Variants in STARD9 observed in about 807,000 individuals in gnomAD.
The protein encoded by STARD9 is stAR-related lipid transfer protein 9.
In STARD9, 346 loss-of-function variants were observed where a neutral mutation model predicts 399.8. The ratio of observed to expected loss-of-function variants is 0.87; its 90% CI spans 0.79 to 0.95. The LOEUF is 0.95. Ranked by LOEUF, STARD9 falls within the 40% of genes least tolerant of loss-of-function variation. STARD9 has a pLI of 0.00. For synonymous variants in STARD9, 2,203 were observed against 2,143.5 expected, an observed-to-expected ratio of 1.03 and a Z score of -0.77; for missense variants, 5,832 against 5,667.5, an observed-to-expected ratio of 1.03 and a Z score of -0.93.
At chr15:42,591,309 G>A (rs1225781313) in intron 3 of STARD9, among the ~76,000 whole-genome samples, 3 of 152,136 alleles carry the variant, frequency 2.0e-5, no homozygotes, top group Admixed American at 6.5e-5. Flanking sequence ...CCAACGTGGC[G>A]AAACCCTGTC....
intron 22 of STARD9, 118 bp downstream of exon 22, chr15:42,682,693 G>A: frequency 2.5e-6 from 2 of 790,002 alleles, no homozygotes; most frequent in South Asian, 1.9e-5. Context: ...GGAAGAATGT[G>A]TATATTTCTC....
intron 3 of STARD9, among the ~76,000 whole-genome samples, chr15:42,615,423 C>T (rs1057162455): frequency 2.0e-5 from 3 of 152,050 alleles, no homozygotes; most frequent in African/African-American, 2.4e-5. Context: ...AAATACATTG[C>T]ATCTTCCTTG....
At chr15:42,647,579 T>C (rs2059669653) in intron 7 of STARD9, among the ~76,000 whole-genome samples, 1 of 152,178 alleles carries the variant, frequency 6.6e-6, no homozygotes, top group African/African-American at 2.4e-5. Context: ...TTGTTTGTAT[T>C]TTTATCTTCT....
chr15:42,624,697 C>T (rs991062811), intron 3 of STARD9, among the ~76,000 whole-genome samples: 2 of 151,124 alleles, frequency 1.3e-5, no homozygotes, highest in African/African-American at 4.9e-5. Flanking sequence ...TACAGGCATG[C>T]GCCACCACGC....
At chr15:42,578,625 GT>G (rs60284149) in intron 1 of STARD9, among the ~76,000 whole-genome samples, 27,493 of 138,286 alleles carry the variant, frequency 0.2, 2,940 homozygotes, top group African/African-American at 0.32. Flanking sequence ...GTATAGCTTT[GT>G]TTTTTTTTTT....
At position 42,690,068 on chromosome 15, in the gene STARD9, T is replaced by C. The variant is rs1344237307; in HGVS notation, c.8490T>C (p.Pro2830=). Residue 2830 remains proline, a synonymous_variant, in exon 23 of 33, where the codon CCT becomes CCC. Coordinates refer to ENST00000290607, the MANE Select transcript of STARD9 (RefSeq NM_020759.3). ...DVQNSTSASG[P]KQDHVQCPEA... ...AGAATTCTACAAGTGCCTCAGGGCC[T>C]AAGCAAGACCATGTCCAATGCCCTG... The C allele has an allele frequency of 9.8e-6, 15 of 1,537,604 alleles. No individual in the cohort carries two copies. The East Asian group carries it at 3.2e-4, about 33-fold the overall frequency.
intron 1 of STARD9, chr15:42,581,056 T>A (rs2058158040): frequency 1.8e-6 from 1 of 554,052 alleles, no homozygotes; most frequent in Admixed American, 2.5e-5. Flanking sequence ...TCACTGTTGA[T>A]CCTATTGGCC....
In STARD9 at chr15:42,686,195, T is replaced by C. The variant is rs2060551973; in HGVS notation, c.4617T>C (p.Ser1539=). ...DTLLPVGPRV[S]SNLNLNNFPV... ...TATTGCCAGTTGGCCCTAGGGTATC[T>C]AGCAATCTGAATCTCAACAACTTTC... Residue 1539 remains serine (S), a synonymous_variant, in exon 23 of 33, where the codon TCT becomes TCC. Transcript: ENST00000290607. 1.3e-6 allele frequency: 2 copies of C among 1,537,488 alleles called. No individual in the cohort carries two copies. The highest frequency in any genetic ancestry group is 2.7e-5 in the African/African-American group (2 of 73,042).
At chr15:42,619,728 C>T (rs374278086) in intron 3 of STARD9, among the ~76,000 whole-genome samples, 1 of 152,178 alleles carries the variant, frequency 6.6e-6, no homozygotes, top group Non-Finnish European at 1.5e-5. Flanking sequence ...ACAGATGAAG[C>T]TTTACTTGCT....
chr15:42,692,883 T>C lies in STARD9; in HGVS notation c.11305T>C (p.Ser3769Pro). The C allele has an allele frequency of 6.5e-7, 1 of 1,537,118 alleles. No individual in the cohort carries two copies. The change falls in exon 23 of 33, where the codon TCG (serine) becomes CCG (proline). Residue 3769 changes from serine (S) to proline (P), a missense_variant. Physicochemically the swap from Ser to Pro is moderately conservative, Grantham distance 74 (BLOSUM62 -1). This residue lies in a region of STARD9 where 5,828 missense variants were observed against 5,651.1 expected (regional missense o/e 1.03). Coordinates refer to ENST00000290607, the MANE Select transcript of STARD9 (RefSeq NM_020759.3). ...CCTTGAAGGGCTAGGCTCAGATACC[T>C]CGACTGTGTCTCAAGAAGAGGGAGA... Reference protein sequence around the residue: ...VILEGLGSDTSTVSQEEGDVP... With the variant: ...VILEGLGSDTPTVSQEEGDVP...
chr15:42,638,130 C>T, intron 6 of STARD9, 43 bp downstream of exon 6: 8 of 1,498,062 alleles, frequency 5.3e-6, no homozygotes, highest in Non-Finnish European at 7.2e-6. Flanking sequence ...AGTTCTTCTT[C>T]TACTCCAAAT....
Position 42,686,766 on chromosome 15 carries a change from G to A in STARD9, c.5188G>A (p.Ala1730Thr). 6.5e-7 allele frequency: 1 copy of A among 1,537,430 alleles called. No individual in the cohort carries two copies. The highest frequency in any genetic ancestry group is 8.7e-7 in the Non-Finnish European group (1 of 1,146,962). The part of the protein sequence containing the change: ...PSGPELYLHS[A>T]PWNPLSSSLQ... ...AGGTCCAGAGCTATACCTTCACTCTGCTCCCTGGAATCCATTGTCATCTTC... is the reference window on the plus strand; with the variant it reads ...AGGTCCAGAGCTATACCTTCACTCTACTCCCTGGAATCCATTGTCATCTTC... Residue 1730 changes from alanine to threonine, a missense_variant, in exon 23 of 33, where the codon GCT (alanine) becomes ACT (threonine). This residue lies in a region of STARD9 where 5,828 missense variants were observed against 5,651.1 expected (regional missense o/e 1.03). Coordinates refer to ENST00000290607, the MANE Select transcript of STARD9 (RefSeq NM_020759.3).
At chr15:42,695,619 T>G in intron 25 of STARD9, 124 bp from the exon 26 acceptor site, 1 of 1,156,384 alleles carries the variant, frequency 8.6e-7, no homozygotes. Context: ...AGGGAGGCCC[T>G]GGGAGGTGGG....
At position 42,682,886 on chromosome 15, in the gene STARD9, C is replaced by T. The variant is rs955200310; in HGVS notation, c.2537+311C>T. ...TCCTTAGACCTGGGCTATCCATATA[C>T]GTTTCCTTGTATGTCACACCTCAAT... On this transcript the variant is annotated intron_variant, in intron 22 of 32. Coordinates refer to ENST00000290607, the MANE Select transcript of STARD9 (RefSeq NM_020759.3). 3.3e-5 allele frequency among the ~76,000 whole-genome samples: 5 copies of T among 152,154 alleles called. No homozygotes were observed. In the South Asian group the frequency reaches 6.2e-4, roughly 19 times the overall value.
rs74009211 is a variant in STARD9 at position 42,716,773 on chromosome 15, C to A, written c.13372+9C>A. 4,368 of 1,534,048 alleles carry A rather than the reference C, an allele frequency of 2.8e-3. 104 individuals carry two copies. The African/African-American group carries it at 0.053, about 19-fold the overall frequency. On this transcript the variant is annotated intron_variant, in intron 27 of 32. Transcript: ENST00000290607. The stretch of plus-strand genomic sequence containing the variant: ...GAAGAACTCTGCCTACAGTGAGTTG[C>A]GGGGAGTGTTGGGCATAGCCAGCTG...
At chr15:42,660,158 A>G (rs1595723498) in intron 9 of STARD9, among the ~76,000 whole-genome samples, 1 of 152,334 alleles carries the variant, frequency 6.6e-6, no homozygotes, top group Admixed American at 6.5e-5. Context: ...CAGACATAGA[A>G]AGTTAAGTGA....
At chr15:42,705,472 C>CACT (rs1273292958) in intron 26 of STARD9, among the ~76,000 whole-genome samples, 3 of 152,074 alleles carry the variant, frequency 2.0e-5, no homozygotes, top group Non-Finnish European at 4.4e-5. Context: ...CTTGCTCTGT[C>CACT]ACTCAGACTG....
chr15:42,629,352 T>G (rs959401669), intron 3 of STARD9, among the ~76,000 whole-genome samples: 9 of 152,196 alleles, frequency 5.9e-5, no homozygotes, highest in African/African-American at 1.9e-4. Flanking sequence ...TTCATTTTGG[T>G]TAAGACTATT....
In STARD9 at chr15:42,718,732, C is replaced by T. The variant is rs1405156121; in HGVS notation, c.13843-20C>T. 3.3e-6 allele frequency: 5 copies of T among 1,536,766 alleles called. No individual in the cohort carries two copies. In the East Asian group the frequency reaches 1.2e-4, roughly 38 times the overall value. Reference sequence around the variant, plus strand: ...TGTCCACACTACACAGGCAGGACTCCCATTTCCCTCTGTCCCCAGGGTCAC... The same window carrying T: ...TGTCCACACTACACAGGCAGGACTCTCATTTCCCTCTGTCCCCAGGGTCAC... On this transcript the variant is annotated intron_variant, in intron 31 of 32. Coordinates refer to ENST00000290607, the MANE Select transcript of STARD9 (RefSeq NM_020759.3).
Sources: allele counts gnomAD v4.1 joint callset (sites outside exome capture counted in the v4.1 genomes callset), GRCh38; gene constraint gnomAD v4.1.1; regional missense constraint gnomAD v4.1.1; transcripts MANE v1.5; gene names NCBI Gene and HGNC (gene_info 2026-07-23, HGNC 2026-07-21).